Variants in ANKMY2 observed in about 807,000 individuals in gnomAD.
ANKMY2 encodes ankyrin repeat and MYND domain-containing protein 2.
ANKMY2 carries 36 observed loss-of-function variants against 50.4 expected under a neutral mutation model. The ratio of observed to expected loss-of-function variants is 0.71; its 90% CI spans 0.55 to 0.94. The LOEUF (loss-of-function observed/expected upper bound fraction) is 0.94. Among genes scored for constraint, ANKMY2 ranks in the 40% least tolerant of loss-of-function variants. The pLI, the probability that ANKMY2 is intolerant of heterozygous loss-of-function variation, is 0.00. For synonymous variants in ANKMY2, 187 were observed against 178.8 expected, an observed-to-expected ratio of 1.05 and a Z score of -0.36; for missense variants, 565 against 524.0, an observed-to-expected ratio of 1.08 and a Z score of -0.76.
intron 1 of ANKMY2, among the ~76,000 whole-genome samples, chr7:16,642,965 T>C (rs1025003486): frequency 1.3e-5 from 2 of 152,190 alleles, no homozygotes; most frequent in Non-Finnish European, 2.9e-5. Context: ...TCTGCCACTT[T>C]CTGCCACTTA....
rs1005861890 is a variant in ANKMY2 at position 16,627,066 on chromosome 7, G to A, written c.245C>T (p.Thr82Ile). 3.7e-6 allele frequency: 6 copies of A among 1,609,324 alleles called. No homozygotes were observed. The highest frequency in any genetic ancestry group is 4.2e-6 in the Non-Finnish European group (5 of 1,177,842). Residue 82 changes from threonine to isoleucine, a missense_variant, in exon 3 of 10, where the codon ACA becomes ATA. Transcript: ENST00000306999. ...AGAAAGTGCAGCAAACATGAGGGCT[G>A]TGTATCCATGTTCATGCTGATGACA... ...VNCHQHEHGYTALMFAALSGN... is the reference protein window; with the variant it reads ...VNCHQHEHGYIALMFAALSGN...
At chr7:16,621,402 T>C (rs1267570977) in intron 4 of ANKMY2, among the ~76,000 whole-genome samples, 3 of 152,234 alleles carry the variant, frequency 2.0e-5, no homozygotes, top group South Asian at 2.1e-4. Context: ...CAAATAATTA[T>C]ATAATCATTT....
chr7:16,619,321 T>C (rs1781401263), intron 4 of ANKMY2, among the ~76,000 whole-genome samples: 1 of 152,060 alleles, frequency 6.6e-6, no homozygotes, highest in African/African-American at 2.4e-5. Flanking sequence ...GCCCAACTAA[T>C]TTTGTATTTT....
At chr7:16,622,147 T>G (rs528513003) in intron 4 of ANKMY2, among the ~76,000 whole-genome samples, 2 of 151,894 alleles carry the variant, frequency 1.3e-5, no homozygotes, top group Admixed American at 6.6e-5. Context: ...CATAAAATAT[T>G]TGAAACACAT....
intron 1 of ANKMY2, among the ~76,000 whole-genome samples, chr7:16,639,048 T>C (rs1041642410): frequency 3.9e-5 from 6 of 152,048 alleles, no homozygotes; most frequent in Non-Finnish European, 7.4e-5. Context: ...TTCTAGAGGG[T>C]AAAAATAGAT....
At chr7:16,606,559 T>C (rs1781165092) in intron 7 of ANKMY2, among the ~76,000 whole-genome samples, 2 of 152,246 alleles carry the variant, frequency 1.3e-5, no homozygotes, top group African/African-American at 2.4e-5. Context: ...GTTCTGAGTT[T>C]TTCAAATTTG....
rs79018201 is a variant in ANKMY2, at chr7:16,607,737, A to C, written c.882+1893T>G. 6.4e-3 allele frequency among the ~76,000 whole-genome samples: 936 copies of C among 145,698 alleles called. 11 individuals are homozygous for C. Among genetic ancestry groups the C allele is most frequent in the African/African-American group, 0.023 (890 of 39,086 alleles). ...TTTAGTTTTTCTGTTTTTTCCCAGG[A>C]AGGTAAAAGGTCAGCAACCATTTGT... is the stretch of plus-strand genomic sequence containing the variant. On this transcript the variant is annotated intron_variant, in intron 7 of 9. Coordinates refer to ENST00000306999, the MANE Select transcript of ANKMY2 (RefSeq NM_020319.3).
chr7:16,631,895 G>A (rs1235949015), intron 2 of ANKMY2, among the ~76,000 whole-genome samples: 3 of 152,124 alleles, frequency 2.0e-5, no homozygotes, highest in Admixed American at 6.5e-5. Flanking sequence ...GATTACAGGC[G>A]TGAGGCACTG....
chr7:16,606,246 C>T lies in ANKMY2; in HGVS notation c.883-1397G>A, dbSNP rs186494690. 4.3e-3 allele frequency among the ~76,000 whole-genome samples: 659 copies of T among 152,134 alleles called. 6 individuals carry two copies. Among genetic ancestry groups the T allele is most frequent in the African/African-American group, 0.015 (639 of 41,508 alleles). ...AGGAGTTTGAGAGCAGCCTGACCAA[C>T]TTGGTGAAGCCCCGACTCTACTGAA... On this transcript the variant is annotated intron_variant, in intron 7 of 9. Coordinates refer to ENST00000306999, the MANE Select transcript of ANKMY2 (RefSeq NM_020319.3).
At chr7:16,641,889 C>T (rs774147272) in intron 1 of ANKMY2, among the ~76,000 whole-genome samples, 5 of 152,102 alleles carry the variant, frequency 3.3e-5, no homozygotes, top group Non-Finnish European at 4.4e-5. Flanking sequence ...TGGTTGCCTG[C>T]AGATGGGGGT....
At chr7:16,641,033 G>C (rs926454713) in intron 1 of ANKMY2, among the ~76,000 whole-genome samples, 4 of 152,042 alleles carry the variant, frequency 2.6e-5, no homozygotes, top group South Asian at 2.1e-4. Context: ...TAGATATAAA[G>C]CTATAAATAT....
intron 5 of ANKMY2, among the ~76,000 whole-genome samples, chr7:16,612,978 T>G (rs1781279298): frequency 6.6e-6 from 1 of 152,220 alleles, no homozygotes; most frequent in Admixed American, 6.5e-5. Flanking sequence ...TGAATTCTTT[T>G]TATTTTTTAA....
chr7:16,638,929 A>T (rs543583899), intron 1 of ANKMY2, among the ~76,000 whole-genome samples: 21 of 152,310 alleles, frequency 1.4e-4, no homozygotes, highest in African/African-American at 5.1e-4. Flanking sequence ...GAGACCAAAT[A>T]GATATTTCTT....
chr7:16,614,709 T>G (rs10272016), intron 5 of ANKMY2, among the ~76,000 whole-genome samples: 1 of 152,136 alleles, frequency 6.6e-6, no homozygotes, highest in Non-Finnish European at 1.5e-5. Flanking sequence ...AGATTCTTCT[T>G]TCGTAATAAA....
chr7:16,604,498 C>CAAAGGAA (rs1171158876), intron 8 of ANKMY2, among the ~76,000 whole-genome samples: 2 of 152,136 alleles, frequency 1.3e-5, no homozygotes, highest in Non-Finnish European at 2.9e-5. Flanking sequence ...AGCAAAGAGG[C>CAAAGGAA]AAAGGAAGAC....
intron 2 of ANKMY2, among the ~76,000 whole-genome samples, chr7:16,630,911 C>A (rs548742457): frequency 6.6e-6 from 1 of 152,248 alleles, no homozygotes; most frequent in East Asian, 1.9e-4. Flanking sequence ...AATGAAAGTG[C>A]AAAAAACTTT....
intron 8 of ANKMY2, among the ~76,000 whole-genome samples, chr7:16,603,125 TAACA>T (rs1432554618): frequency 6.6e-6 from 1 of 152,206 alleles, no homozygotes; most frequent in Non-Finnish European, 1.5e-5. Flanking sequence ...AATGAATATA[TAACA>T]AACAGTCTAC....
chr7:16,608,736 T>C (rs1312772540), intron 7 of ANKMY2, among the ~76,000 whole-genome samples: 1 of 152,144 alleles, frequency 6.6e-6, no homozygotes, highest in Non-Finnish European at 1.5e-5. Context: ...GCGCAGTGGG[T>C]CATGCCTGTA....
intron 7 of ANKMY2, among the ~76,000 whole-genome samples, chr7:16,605,876 G>A (rs1781150946): frequency 6.6e-6 from 1 of 151,508 alleles, no homozygotes; most frequent in Non-Finnish European, 1.5e-5. Context: ...GTAGAGATGG[G>A]GTTTCACCGT....
Sources: allele counts gnomAD v4.1 joint callset (sites outside exome capture counted in the v4.1 genomes callset), GRCh38; gene constraint gnomAD v4.1.1; transcripts MANE v1.5; gene names NCBI Gene and HGNC (gene_info 2026-07-23, HGNC 2026-07-21).